The following ING5 variants were observed in gnomAD, a reference collection of about 807,000 sequenced individuals.
ING5 encodes inhibitor of growth protein 5.
A neutral mutation model predicts 37.4 loss-of-function variants in ING5; 17 were observed. That is an observed-to-expected ratio of 0.45 (90% CI 0.31 to 0.68). The LOEUF is 0.68. Ranked by LOEUF, ING5 falls within the 30% of genes least tolerant of loss-of-function variation. The pLI is 0.05. For missense variants in ING5, 233 were observed against 311.9 expected (o/e 0.75, Z 1.91); for synonymous variants, 123 against 116.6 (o/e 1.06, Z -0.36).
At chr2:241,702,147 C>T in intron 1 of ING5, 45 bp downstream of exon 1, 1 of 1,196,732 alleles carries the variant, frequency 8.4e-7, no homozygotes, top group Non-Finnish European at 1.1e-6. Context: ...CACGCGGAGT[C>T]CTCCGTGCCG....
intron 4 of ING5, 115 bp downstream of exon 4, chr2:241,711,603 T>C (rs902245585): frequency 8.5e-5 from 69 of 812,948 alleles, no homozygotes; most frequent in Non-Finnish European, 1.2e-4. Flanking sequence ...CATATTTGGG[T>C]AAACCTTGTC....
intron 5 of ING5, among the ~76,000 whole-genome samples, chr2:241,718,933 G>A (rs967794796): frequency 6.6e-6 from 1 of 152,184 alleles, no homozygotes; most frequent in Non-Finnish European, 1.5e-5. Flanking sequence ...CATGTCTCAT[G>A]ATTTATTAGC....
chr2:241,695,582 A>G (rs1336285067), intron 2 of ING5, among the ~76,000 whole-genome samples: 1 of 152,176 alleles, frequency 6.6e-6, no homozygotes, highest in Non-Finnish European at 1.5e-5. Context: ...CCTACTCAGG[A>G]GGCTGAGGCA....
At chr2:241,724,058 A>G (rs185998184) in intron 7 of ING5, 26 of 1,385,574 alleles carry the variant, frequency 1.9e-5, no homozygotes, top group Middle Eastern at 2.7e-4. Context: ...GCCTGTGCTG[A>G]AAATCTAAAA....
intron 2 of ING5, among the ~76,000 whole-genome samples, chr2:241,706,581 C>T (rs887160949): frequency 1.0e-4 from 14 of 140,474 alleles, no homozygotes; most frequent in Admixed American, 8.8e-4. Context: ...CTGGAGATCG[C>T]ACCATTGCAC....
At chr2:241,701,902 A>AGCCCGCC (rs1438229735), upstream of ING5, 5 of 335,474 alleles carry the variant, frequency 1.5e-5, no homozygotes, top group Non-Finnish European at 2.6e-5. Context: ...CGGGCCCCGC[A>AGCCCGCC]GCCCGCCGCC....
chr2:241,723,743 C>T, intron 7 of ING5: 1 of 1,597,330 alleles, frequency 6.3e-7, no homozygotes, highest in East Asian at 2.2e-5. Flanking sequence ...TCTACCTGAC[C>T]CTTGCATCCC....
intron 2 of ING5, among the ~76,000 whole-genome samples, chr2:241,692,295 A>ATT (rs564724566): frequency 6.7e-6 from 1 of 149,386 alleles, no homozygotes; most frequent in Admixed American, 6.7e-5. Flanking sequence ...TCCCTTTGAG[A>ATT]TTTTTTTTTT....
intron 2 of ING5, among the ~76,000 whole-genome samples, chr2:241,690,897 C>G (rs1375971188): frequency 6.6e-6 from 1 of 151,646 alleles, no homozygotes; most frequent in Non-Finnish European, 1.5e-5. Flanking sequence ...ACATCCACCT[C>G]CTAGGTTCAG....
chr2:241,701,029 A>C (rs2069711171), upstream of ING5, among the ~76,000 whole-genome samples: 1 of 146,410 alleles, frequency 6.8e-6, no homozygotes, highest in South Asian at 2.1e-4. Flanking sequence ...GCTGGAGTGC[A>C]GACGCGATCT....
chr2:241,720,141 C>A, intron 5 of ING5: 1 of 1,237,386 alleles, frequency 8.1e-7, no homozygotes, highest in South Asian at 4.0e-5. Flanking sequence ...CGGTTGGACC[C>A]AAAGCCTGGC....
chr2:241,721,293 T>C (rs1291071202), intron 5 of ING5: 1 of 985,356 alleles, frequency 1.0e-6, no homozygotes, highest in East Asian at 1.1e-4. Context: ...TTGAGACTGT[T>C]GCTTGAAAGC....
At chr2:241,702,390 C>T (rs1426180583) in intron 1 of ING5, among the ~76,000 whole-genome samples, 1 of 151,154 alleles carries the variant, frequency 6.6e-6, no homozygotes, top group Admixed American at 6.6e-5. Context: ...TCGACCCCGC[C>T]CACATATTAG....
intron 2 of ING5, among the ~76,000 whole-genome samples, chr2:241,692,040 C>G (rs2124849496): frequency 6.6e-6 from 1 of 152,010 alleles, no homozygotes; most frequent in African/African-American, 2.4e-5. Flanking sequence ...AGAGTGAGAC[C>G]TTGTCTCAAT....
chr2:241,704,793 C>T (rs1030326213), intron 2 of ING5, 69 bp downstream of exon 2: 2 of 1,353,504 alleles, frequency 1.5e-6, no homozygotes, highest in African/African-American at 1.4e-5. Context: ...CTCCTGAAGG[C>T]TGGGGGCAGA....
rs548531645 is a variant in ING5 at position 241,717,198 on chromosome 2, C to T, written c.482+5127C>T. On this transcript the variant is annotated intron_variant, in intron 5 of 7. Transcript: ENST00000313552. Reference sequence around the variant, plus strand: ...CAAGTGATTCTTGTGCCTCAGCCTCCTGAGTAGCTGAGATTACACCCACCT... The same window carrying T: ...CAAGTGATTCTTGTGCCTCAGCCTCTTGAGTAGCTGAGATTACACCCACCT... Among the ~76,000 whole-genome samples the T allele has an allele frequency of 3.3e-5, 5 of 152,012 alleles. No individual in the cohort carries two copies. In the South Asian group the frequency reaches 1.0e-3, roughly 32 times the overall value.
chr2:241,716,519 C>A (rs1488869346), intron 5 of ING5, among the ~76,000 whole-genome samples: 4 of 149,468 alleles, frequency 2.7e-5, no homozygotes, highest in South Asian at 4.3e-4. Flanking sequence ...GGTCTCGAAC[C>A]CCTGACCCCA....
At chr2:241,710,658 A>G (rs987479216) in intron 3 of ING5, among the ~76,000 whole-genome samples, 2 of 151,908 alleles carry the variant, frequency 1.3e-5, no homozygotes, top group Non-Finnish European at 2.9e-5. Context: ...CTAATTTTGT[A>G]TTTTTGGTAG....
chr2:241,719,369 C>G (rs1234976686), intron 5 of ING5: 11 of 671,826 alleles, frequency 1.6e-5, no homozygotes, highest in South Asian at 1.5e-4. Context: ...CCCCAACCCC[C>G]CAACACCCCC....
Sources: gnomAD v4.1 joint callset for allele counts (sites outside exome capture counted in the v4.1 genomes callset) on GRCh38, gnomAD v4.1.1 for gene constraint, MANE v1.5 for transcripts, NCBI Gene and HGNC (gene_info 2026-07-23, HGNC 2026-07-21) for gene names.